PLCL1: variants seen among roughly 807,000 people sequenced by gnomAD.
The protein encoded by PLCL1 is inactive phospholipase C-like protein 1.
In PLCL1, 41 loss-of-function variants were observed where a neutral mutation model predicts 84.4. The observed-to-expected ratio is 0.49, with a 90% CI of 0.38 to 0.63. PLCL1 has a LOEUF of 0.63. Among genes scored for constraint, PLCL1 ranks in the 30% least tolerant of loss-of-function variants. The pLI, the probability that PLCL1 is intolerant of heterozygous loss-of-function variation, is 0.00. For missense variants in PLCL1, 1,206 were observed against 1,367.8 expected (o/e 0.88, Z 1.87); for synonymous variants, 490 against 488.3 (o/e 1.00, Z -0.05).
chr2:197,933,903 T>C (rs1020243166), intron 1 of PLCL1, among the ~76,000 whole-genome samples: 15 of 152,208 alleles, frequency 9.9e-5, no homozygotes, highest in African/African-American at 3.1e-4. Context: ...GTACAGTATT[T>C]AAGTTACTGA....
chr2:197,917,409 T>C (rs1296698425), intron 1 of PLCL1, among the ~76,000 whole-genome samples: 1 of 152,214 alleles, frequency 6.6e-6, no homozygotes, highest in Non-Finnish European at 1.5e-5. Flanking sequence ...GTTCCAATTA[T>C]ATGATATTCT....
chr2:198,025,956 C>T (rs547841492), intron 1 of PLCL1, among the ~76,000 whole-genome samples: 5 of 152,164 alleles, frequency 3.3e-5, no homozygotes, highest in African/African-American at 1.2e-4. Flanking sequence ...ATGAAAACAA[C>T]ATGCAGTTAA....
At chr2:198,046,434 GC>G (rs1038763301) in intron 1 of PLCL1, among the ~76,000 whole-genome samples, 9 of 152,304 alleles carry the variant, frequency 5.9e-5, no homozygotes, top group Admixed American at 5.2e-4. Context: ...CGTGAGCGAC[GC>G]AGAAGACGGG....
chr2:197,958,185 GA>G (rs1422485528), intron 1 of PLCL1, among the ~76,000 whole-genome samples: 1 of 151,426 alleles, frequency 6.6e-6, no homozygotes, highest in Admixed American at 6.6e-5. Context: ...TTTTTTTGGT[GA>G]GGAAGAAAAC....
chr2:198,099,444 T>C (rs1192544840), intron 3 of PLCL1, among the ~76,000 whole-genome samples: 1 of 152,092 alleles, frequency 6.6e-6, no homozygotes, highest in Non-Finnish European at 1.5e-5. Context: ...TAGCTACTAA[T>C]AATTGAAAGC....
chr2:197,982,510 T>C (rs991597512), intron 1 of PLCL1, among the ~76,000 whole-genome samples: 1 of 152,238 alleles, frequency 6.6e-6, no homozygotes, highest in Admixed American at 6.5e-5. Flanking sequence ...CTGTTTCACT[T>C]GGTACTAGAT....
chr2:198,142,506 A>T (rs1443198892), intron 5 of PLCL1, among the ~76,000 whole-genome samples: 2 of 152,196 alleles, frequency 1.3e-5, no homozygotes, highest in Non-Finnish European at 2.9e-5. Context: ...GCAGTTGGAA[A>T]GATTTAATAA....
intron 1 of PLCL1, among the ~76,000 whole-genome samples, chr2:197,819,877 A>G (rs147214562): frequency 2.7e-5 from 4 of 146,638 alleles, no homozygotes; most frequent in African/African-American, 1.0e-4. Flanking sequence ...AAGGCTCACT[A>G]TTATGCATGT....
chr2:197,813,222 G>C (rs1690623282), intron 1 of PLCL1, among the ~76,000 whole-genome samples: 1 of 152,116 alleles, frequency 6.6e-6, no homozygotes, highest in Non-Finnish European at 1.5e-5. Flanking sequence ...GGGTTGGGGA[G>C]GAGAGAGAGA....
rs533880827 is a variant in PLCL1 at position 197,861,951 on chromosome 2, CA to C, written c.240+56614del. On this transcript the variant is annotated intron_variant, in intron 1 of 5. Coordinates refer to ENST00000428675, the MANE Select transcript of PLCL1 (RefSeq NM_006226.4). ...AATACGGAAAAAGTAATATATTTAG[CA>C]ATTTGACAAAGGCTCACGGCACTCT... Among the ~76,000 whole-genome samples the C allele has an allele frequency of 4.4e-4, 67 of 152,218 alleles. 2 individuals carry two copies. In the South Asian group the frequency reaches 9.7e-3, roughly 22 times the overall value.
At chr2:197,987,916 G>T (rs1163711918) in intron 1 of PLCL1, among the ~76,000 whole-genome samples, 1 of 152,156 alleles carries the variant, frequency 6.6e-6, no homozygotes, top group African/African-American at 2.4e-5. Context: ...TGTTGGAGAA[G>T]TTGATTGGAG....
intron 1 of PLCL1, among the ~76,000 whole-genome samples, chr2:197,874,389 AT>A: frequency 6.6e-6 from 1 of 152,264 alleles, no homozygotes; most frequent in Middle Eastern, 3.4e-3. Context: ...GAAAATAAAA[AT>A]AATTAATAAT....
intron 1 of PLCL1, among the ~76,000 whole-genome samples, chr2:197,855,974 T>A (rs1266264502): frequency 6.6e-6 from 1 of 152,202 alleles, no homozygotes; most frequent in African/African-American, 2.4e-5. Flanking sequence ...TGTTTTAGCT[T>A]GGTCACCTCC....
At chr2:197,810,242 G>A in intron 1 of PLCL1, 1 of 1,166,706 alleles carries the variant, frequency 8.6e-7, no homozygotes, top group Non-Finnish European at 1.1e-6. Context: ...TTTCACCTTA[G>A]AAGTGGTTGC....
chr2:197,941,643 G>A (rs149623752), intron 1 of PLCL1, among the ~76,000 whole-genome samples: 186 of 152,244 alleles, frequency 1.2e-3, no homozygotes, highest in African/African-American at 4.4e-3. Flanking sequence ...GAGGTTTTGT[G>A]TTTTAGTTTT....
At position 198,002,786 on chromosome 2, in the gene PLCL1, T is replaced by C. The variant is rs1690633066; in HGVS notation, c.241-80972T>C. Among the ~76,000 whole-genome samples the C allele has an allele frequency of 2.0e-5, 3 of 152,232 alleles. No homozygotes were observed. In the South Asian group the frequency reaches 6.2e-4, roughly 31 times the overall value. ...TGGTATCCTGAGGGTCTGTCCATCC[T>C]TGTGGGACCTGTATTCTGCAGGCAG... On this transcript the variant is annotated intron_variant, in intron 1 of 5. Coordinates refer to ENST00000428675, the MANE Select transcript of PLCL1 (RefSeq NM_006226.4).
At chr2:198,046,614 G>A (rs1205839743) in intron 1 of PLCL1, among the ~76,000 whole-genome samples, 2 of 152,172 alleles carry the variant, frequency 1.3e-5, no homozygotes, top group Admixed American at 1.3e-4. Context: ...CAGGCAGGTG[G>A]ATCACTTGAG....
chr2:197,992,150 G>C (rs1435747904), intron 1 of PLCL1, among the ~76,000 whole-genome samples: 1 of 151,872 alleles, frequency 6.6e-6, no homozygotes, highest in East Asian at 1.9e-4. Flanking sequence ...TGCCATGTTG[G>C]TGTGCTGCAC....
At chr2:198,017,271 T>G (rs921895999) in intron 1 of PLCL1, among the ~76,000 whole-genome samples, 3 of 152,206 alleles carry the variant, frequency 2.0e-5, no homozygotes, top group African/African-American at 7.2e-5. Flanking sequence ...TTTAAACACC[T>G]GCTTCCTCCT....
Sources: gnomAD v4.1 joint callset for allele counts (sites outside exome capture counted in the v4.1 genomes callset) on GRCh38, gnomAD v4.1.1 for gene constraint, MANE v1.5 for transcripts, NCBI Gene and HGNC (gene_info 2026-07-23, HGNC 2026-07-21) for gene names.